Variants in ADGRG7 observed in about 807,000 individuals in gnomAD.
The protein encoded by ADGRG7 is G-protein coupled receptor 128.
Under a neutral mutation model 88.6 loss-of-function variants are expected in ADGRG7, and 82 were observed. The ratio of observed to expected loss-of-function variants is 0.93; its 90% CI spans 0.77 to 1.11. ADGRG7 has a LOEUF of 1.11. Ranked by LOEUF, ADGRG7 falls within the 50% of genes most tolerant of loss-of-function variation. The probability of loss-of-function intolerance (pLI) is 0.00; values close to 1 mark genes in which losing one functional copy is unlikely to be tolerated. For synonymous variants in ADGRG7, 381 were observed against 345.2 expected (o/e 1.10, Z -1.15); for missense variants, 945 against 953.4 (o/e 0.99, Z 0.12).
intron 1 of ADGRG7, among the ~76,000 whole-genome samples, chr3:100,615,071 TCAA>T: frequency 6.6e-6 from 1 of 152,196 alleles, no homozygotes; most frequent in African/African-American, 2.4e-5. Flanking sequence ...CCTGTTGCAA[TCAA>T]TGGTAAAGGC....
intron 14 of ADGRG7, among the ~76,000 whole-genome samples, chr3:100,661,793 A>G (rs1395324698): frequency 1.3e-5 from 2 of 152,240 alleles, no homozygotes; most frequent in African/African-American, 4.8e-5. Flanking sequence ...ATAAAAACAA[A>G]TTTCTCAAGA....
Position 100,668,975 on chromosome 3 carries a change from AG to A in ADGRG7, c.2007del (p.Ile670LeufsTer17), listed in dbSNP as rs1434951291. 6.3e-7 allele frequency: 1 copy of A among 1,598,294 alleles called. No individual in the cohort carries two copies. Among genetic ancestry groups the A allele is most frequent in the Non-Finnish European group, 8.5e-7 (1 of 1,174,444 alleles). ...TSTKKVSSMKKIVSTLSVAVV... is the reference protein window; with the variant it reads ...TSTKKVSSMKXIVSTLSVAVV... ...ACAAAAAAAGTTTCATCCATGAAGA[AG>A]ATTGTTAGCACATTATCTGTTGCAG... On this transcript the variant is annotated frameshift_variant, in exon 15 of 16. Transcript: ENST00000273352. LOFTEE classifies it high-confidence loss of function.
chr3:100,646,704 A>G lies in ADGRG7; in HGVS notation c.1246A>G (p.Thr416Ala), dbSNP rs1275482368. ...GFLRCRCNHTTNFAVLMTFKK... is the reference protein window; with the variant it reads ...GFLRCRCNHTANFAVLMTFKK... ...CCTGCGCTGCCGCTGCAACCATACT[A>G]CTAATTTTGCTGTATTAATGGTAAG... The change falls in exon 10 of 16, where the codon ACT becomes GCT. Residue 416 changes from threonine (T) to alanine (A), a missense_variant. Thr to Ala is a moderately conservative substitution (Grantham distance 58). Transcript: ENST00000273352. 1.9e-6 allele frequency: 3 copies of G among 1,614,088 alleles called. No individual in the cohort carries two copies. The highest frequency in any genetic ancestry group is 2.5e-6 in the Non-Finnish European group (3 of 1,179,972).
At chr3:100,622,721 C>T (rs536845688) in intron 1 of ADGRG7, among the ~76,000 whole-genome samples, 7 of 152,132 alleles carry the variant, frequency 4.6e-5, no homozygotes, top group African/African-American at 1.4e-4. Context: ...ATATGTACCG[C>T]AAATATTTTC....
In ADGRG7 at chr3:100,647,184, A is replaced by T. The variant is rs146664322; in HGVS notation, c.1266+460A>T. On this transcript the variant is annotated intron_variant, in intron 10 of 15. Coordinates refer to ENST00000273352, the MANE Select transcript of ADGRG7 (RefSeq NM_032787.3). ...AAACAAAAACAAAACAAACAAAAAA[A>T]ATAGGACTAAGGTAAAGGCAAGTAG... Among the ~76,000 whole-genome samples, 648 of 152,250 alleles carry T rather than the reference A, an allele frequency of 4.3e-3. 5 individuals are homozygous for T. The highest frequency in any genetic ancestry group is 0.015 in the African/African-American group (625 of 41,560).
At chr3:100,656,977 G>T (rs2094938553) in intron 13 of ADGRG7, among the ~76,000 whole-genome samples, 1 of 152,176 alleles carries the variant, frequency 6.6e-6, no homozygotes, top group Non-Finnish European at 1.5e-5. Flanking sequence ...TCATAGGGGA[G>T]GTAATTCACT....
chr3:100,674,653 C>T (rs904151791), intron 15 of ADGRG7, among the ~76,000 whole-genome samples: 1 of 150,962 alleles, frequency 6.6e-6, no homozygotes, highest in Non-Finnish European at 1.5e-5. Flanking sequence ...CATCTGCTCA[C>T]TGCAACCTCC....
intron 14 of ADGRG7, chr3:100,664,919 TGAA>T (rs1299960448): frequency 3.0e-6 from 1 of 330,390 alleles, no homozygotes; most frequent in East Asian, 8.4e-5. Flanking sequence ...TTTGCACAAA[TGAA>T]GAATTTTTCT....
chr3:100,667,361 T>G (rs191741296), intron 14 of ADGRG7, among the ~76,000 whole-genome samples: 92 of 152,242 alleles, frequency 6.0e-4, no homozygotes, highest in African/African-American at 2.1e-3. Flanking sequence ...CAGTGTGTGA[T>G]GTTCCCTCCC....
intron 15 of ADGRG7, among the ~76,000 whole-genome samples, chr3:100,670,885 A>G (rs1305760362): frequency 6.6e-6 from 1 of 152,236 alleles, no homozygotes; most frequent in Non-Finnish European, 1.5e-5. Context: ...TGCAAAGGAC[A>G]TGAACTCATC....
chr3:100,674,414 A>G lies in ADGRG7; in HGVS notation c.2136+5309A>G, dbSNP rs1177643189. 2.0e-5 allele frequency among the ~76,000 whole-genome samples: 3 copies of G among 152,110 alleles called. No homozygotes were observed. In the East Asian group the frequency reaches 5.8e-4, roughly 29 times the overall value. On this transcript the variant is annotated intron_variant, in intron 15 of 15. Coordinates refer to ENST00000273352, the MANE Select transcript of ADGRG7 (RefSeq NM_032787.3). The stretch of plus-strand genomic sequence containing the variant: ...ACAGTTTTAAAATATTGATTTTCCA[A>G]TCCATGAACATGGAATCTCTTTCCA...
intron 6 of ADGRG7, 105 bp from the exon 7 acceptor site, chr3:100,643,161 A>G: frequency 9.7e-7 from 1 of 1,026,842 alleles, no homozygotes; most frequent in Non-Finnish European, 1.4e-6. Flanking sequence ...TGTCATGACC[A>G]CACAATTCTA....
chr3:100,637,388 T>C lies in ADGRG7; in HGVS notation c.684T>C (p.Asp228=). ...AAAGAGTTGCTGCTACTGCTAATGA[T>C]GATGCCCTTACAACGTAAGCACAAA... ...AFQRVAATAN[D]DALTTLIEQM... The change falls in exon 6 of 16, where the codon GAT becomes GAC. Residue 228 remains aspartate, a synonymous_variant. Transcript: ENST00000273352. 2 of 1,612,364 alleles carry C rather than the reference T, an allele frequency of 1.2e-6. No homozygotes were observed. The highest frequency in any genetic ancestry group is 1.7e-6 in the Non-Finnish European group (2 of 1,178,516).
chr3:100,663,020 T>G (rs1248797198), intron 14 of ADGRG7, among the ~76,000 whole-genome samples: 1 of 152,134 alleles, frequency 6.6e-6, no homozygotes, highest in Admixed American at 6.5e-5. Flanking sequence ...AATGTCCTAC[T>G]GATCCTCTAG....
At chr3:100,617,541 A>G (rs1408569454) in intron 1 of ADGRG7, among the ~76,000 whole-genome samples, 2 of 152,226 alleles carry the variant, frequency 1.3e-5, no homozygotes, top group Admixed American at 1.3e-4. Context: ...CCTACAAAGG[A>G]CATGAACTCA....
intron 15 of ADGRG7, among the ~76,000 whole-genome samples, chr3:100,688,891 G>A (rs1238557577): frequency 1.3e-5 from 2 of 152,126 alleles, no homozygotes; most frequent in Non-Finnish European, 2.9e-5. Context: ...TGTCTATTAG[G>A]TCCACTTGGT....
rs1266642869 is a variant in ADGRG7, at chr3:100,694,858, A to G, written c.2251A>G (p.Thr751Ala). 5.0e-6 allele frequency: 8 copies of G among 1,614,166 alleles called. No individual in the cohort carries two copies. The highest frequency in any genetic ancestry group is 4.2e-6 in the Non-Finnish European group (5 of 1,180,038). The change falls in exon 16 of 16, where the codon ACG becomes GCG. Residue 751 changes from threonine (T) to alanine (A), a missense_variant. Transcript: ENST00000273352. ...IGRRKSLPSVTRPRLRVKMYN... is the reference protein window; with the variant it reads ...IGRRKSLPSVARPRLRVKMYN... ...GAGAAGGAAGTCATTGCCTTCAGTG[A>G]CGCGGCCGAGGCTGCGTGTAAAGAT... is the stretch of plus-strand genomic sequence containing the variant.
chr3:100,684,904 C>T (rs2094979631), intron 15 of ADGRG7, among the ~76,000 whole-genome samples: 1 of 151,892 alleles, frequency 6.6e-6, no homozygotes. Flanking sequence ...TTAACTGCTT[C>T]TTGCAGTTTT....
chr3:100,691,856 C>A (rs1158796766), intron 15 of ADGRG7, among the ~76,000 whole-genome samples: 1 of 152,038 alleles, frequency 6.6e-6, no homozygotes, highest in South Asian at 2.1e-4. Flanking sequence ...TTTATGCATA[C>A]TCTTCTCATC....
Sources: gnomAD v4.1 joint callset for allele counts (sites outside exome capture counted in the v4.1 genomes callset) on GRCh38, gnomAD v4.1.1 for gene constraint, MANE v1.5 for transcripts, NCBI Gene and HGNC (gene_info 2026-07-23, HGNC 2026-07-21) for gene names.